PRKG1: variants seen among roughly 807,000 people sequenced by gnomAD.
PRKG1 encodes the protein protein kinase cGMP-dependent 1.
Under a neutral mutation model 88.1 loss-of-function variants are expected in PRKG1, and 35 were observed. That is an observed-to-expected ratio of 0.40 (90% CI 0.30 to 0.53). The LOEUF (loss-of-function observed/expected upper bound fraction) is 0.53, where lower values mean the gene tolerates loss of function less well. PRKG1 is among the 20% of genes least tolerant of loss of function. The pLI, the probability that PRKG1 is intolerant of heterozygous loss-of-function variation, is 0.59. For missense variants in PRKG1, 540 were observed against 839.8 expected (o/e 0.64, Z 4.41); for synonymous variants, 303 against 292.5 (o/e 1.04, Z -0.37).
chr10:51,699,100 A>G lies in PRKG1; in HGVS notation c.593-105485A>G, dbSNP rs1841391978. 5.0e-6 allele frequency: 8 copies of G among 1,614,220 alleles called. No homozygotes were observed. In the East Asian group the frequency reaches 1.6e-4, roughly 31 times the overall value. On this transcript the variant is annotated intron_variant, in intron 3 of 17. Coordinates refer to ENST00000373980, the MANE Select transcript of PRKG1 (RefSeq NM_006258.4). ...GAGCTTCCTGGTGGCTGTTTTGGAC[A>G]CAGAGCTTCATCTGCTTCATCAGCT...
At chr10:52,290,815 C>G (rs1265915396) in intron 17 of PRKG1, among the ~76,000 whole-genome samples, 1 of 151,940 alleles carries the variant, frequency 6.6e-6, no homozygotes, top group Non-Finnish European at 1.5e-5. Flanking sequence ...GTGATTGTAC[C>G]ACTATACTTC....
At chr10:51,205,362 C>T (rs926799376) in intron 2 of PRKG1, among the ~76,000 whole-genome samples, 5 of 150,964 alleles carry the variant, frequency 3.3e-5, no homozygotes, top group Admixed American at 2.6e-4. Context: ...GTCTCGAACC[C>T]CTGACCTCCA....
intron 8 of PRKG1, among the ~76,000 whole-genome samples, chr10:52,144,933 TAATA>T (rs559256764): frequency 1.1e-4 from 16 of 152,274 alleles, no homozygotes; most frequent in Admixed American, 9.2e-4. Context: ...TGGATGTATT[TAATA>T]AATAAAGAAA....
chr10:52,186,760 A>G (rs1255943965), intron 9 of PRKG1, among the ~76,000 whole-genome samples: 1 of 152,156 alleles, frequency 6.6e-6, no homozygotes, highest in Non-Finnish European at 1.5e-5. Flanking sequence ...TTTGAAAACC[A>G]TTGCTATAAA....
At chr10:51,429,828 A>G (rs531910093) in intron 2 of PRKG1, among the ~76,000 whole-genome samples, 1 of 151,960 alleles carries the variant, frequency 6.6e-6, no homozygotes, top group Non-Finnish European at 1.5e-5. Context: ...AAACAGAAAG[A>G]AGAAAAGAAT....
At chr10:51,651,014 A>T (rs1840025626) in intron 3 of PRKG1, among the ~76,000 whole-genome samples, 1 of 152,200 alleles carries the variant, frequency 6.6e-6, no homozygotes, top group Admixed American at 6.5e-5. Context: ...GGTTGTCACA[A>T]CTCAGGCTGG....
intron 1 of PRKG1, among the ~76,000 whole-genome samples, chr10:51,007,636 C>T (rs1168012174): frequency 6.6e-6 from 1 of 152,196 alleles, no homozygotes. Flanking sequence ...ACATCTTTGA[C>T]CTTCAATTTC....
At chr10:51,540,216 C>T (rs1842266436) in intron 3 of PRKG1, among the ~76,000 whole-genome samples, 1 of 152,166 alleles carries the variant, frequency 6.6e-6, no homozygotes, top group South Asian at 2.1e-4. Context: ...TGTCTAGAAG[C>T]TAATGATTTG....
At chr10:51,311,402 G>T (rs1462949595) in intron 2 of PRKG1, among the ~76,000 whole-genome samples, 1 of 152,196 alleles carries the variant, frequency 6.6e-6, no homozygotes, top group African/African-American at 2.4e-5. Context: ...ATGCCTGCTG[G>T]CACTTAGATG....
chr10:51,341,759 G>A, intron 2 of PRKG1, among the ~76,000 whole-genome samples: 1 of 152,150 alleles, frequency 6.6e-6, no homozygotes, highest in Non-Finnish European at 1.5e-5. Flanking sequence ...TTGAGACTGG[G>A]TAATTTATAA....
intron 3 of PRKG1, among the ~76,000 whole-genome samples, chr10:51,626,091 G>A (rs998771447): frequency 2.0e-5 from 3 of 152,050 alleles, no homozygotes; most frequent in African/African-American, 7.2e-5. Flanking sequence ...TTATGTGATC[G>A]AAGTTGTCAC....
At chr10:51,001,146 C>T (rs1842884661) in intron 1 of PRKG1, among the ~76,000 whole-genome samples, 1 of 152,228 alleles carries the variant, frequency 6.6e-6, no homozygotes, top group South Asian at 2.1e-4. Context: ...TGCCTTGAGA[C>T]AGTGAGGTCC....
intron 5 of PRKG1, among the ~76,000 whole-genome samples, chr10:51,932,888 GAAAAAAA>G (rs899798429): frequency 2.0e-5 from 3 of 150,876 alleles, no homozygotes; most frequent in Non-Finnish European, 3.0e-5. Context: ...CAGAGTCAGA[GAAAAAAA>G]AATGTATCTT....
chr10:51,476,155 C>T (rs184882240), intron 3 of PRKG1, among the ~76,000 whole-genome samples: 64 of 152,104 alleles, frequency 4.2e-4, no homozygotes, highest in African/African-American at 1.5e-3. Flanking sequence ...GATGAAAAGA[C>T]ATCCATATAT....
At chr10:51,958,863 AG>A (rs1843377986) in intron 5 of PRKG1, among the ~76,000 whole-genome samples, 1 of 152,114 alleles carries the variant, frequency 6.6e-6, no homozygotes, top group Non-Finnish European at 1.5e-5. Flanking sequence ...TAGAGGTAGA[AG>A]GCATTACCTG....
intron 3 of PRKG1, among the ~76,000 whole-genome samples, chr10:51,482,675 C>G (rs1840397579): frequency 6.6e-6 from 1 of 152,130 alleles, no homozygotes. Flanking sequence ...GTTTTAACCC[C>G]CATGGTTCTC....
intron 5 of PRKG1, among the ~76,000 whole-genome samples, chr10:52,003,683 A>G (rs1462492881): frequency 1.3e-5 from 2 of 152,234 alleles, no homozygotes; most frequent in African/African-American, 4.8e-5. Context: ...GCTACAGAAG[A>G]GAAAGCTGAC....
chr10:51,689,656 A>C (rs1213602549), intron 3 of PRKG1, among the ~76,000 whole-genome samples: 2 of 152,186 alleles, frequency 1.3e-5, no homozygotes, highest in African/African-American at 4.8e-5. Flanking sequence ...AGACCATTTA[A>C]ATTTACGTTT....
rs12264637 is a variant in PRKG1, at chr10:51,415,817, C to T, written c.479-51906C>T. On this transcript the variant is annotated intron_variant, in intron 2 of 17. Transcript: ENST00000373980. The stretch of plus-strand genomic sequence containing the variant: ...ATTTTCGAGACCTCATGATCCAGGC[C>T]CTATGTCCATTTTAATATTTTCCTT... Among the ~76,000 whole-genome samples, 464 of 152,068 alleles carry T rather than the reference C, an allele frequency of 3.1e-3. 2 individuals carry two copies. The highest frequency in any genetic ancestry group is 0.011 in the African/African-American group (441 of 41,456).
Sources: gnomAD v4.1 joint callset for allele counts (sites outside exome capture counted in the v4.1 genomes callset) on GRCh38, gnomAD v4.1.1 for gene constraint, MANE v1.5 for transcripts, NCBI Gene and HGNC (gene_info 2026-07-23, HGNC 2026-07-21) for gene names.